Variants in ITSN1 observed in about 807,000 individuals in gnomAD.
ITSN1 encodes intersectin-1.
A neutral mutation model predicts 239.8 loss-of-function variants in ITSN1; 58 were observed. That is an observed-to-expected ratio of 0.24 (90% CI 0.20 to 0.30). The LOEUF is 0.30. Among genes scored for constraint, ITSN1 ranks in the 10% least tolerant of loss-of-function variants. The pLI is 1.00. For missense variants in ITSN1, 1,558 were observed against 2,103.3 expected (o/e 0.74, Z 5.07); for synonymous variants, 780 against 770.8 (o/e 1.01, Z -0.20).
chr21:33,738,963 T>TA (rs1220045450), intron 5 of ITSN1, among the ~76,000 whole-genome samples: 1 of 152,134 alleles, frequency 6.6e-6, no homozygotes, highest in Non-Finnish European at 1.5e-5. Context: ...CTGAAGTAAT[T>TA]AAAAAATTTT....
chr21:33,735,378 C>T (rs2066433236), intron 5 of ITSN1, 174 bp downstream of exon 5: 1 of 720,398 alleles, frequency 1.4e-6, no homozygotes, highest in South Asian at 1.5e-5. Flanking sequence ...AGCATGTTCA[C>T]ATTTGAACCC....
intron 1 of ITSN1, among the ~76,000 whole-genome samples, chr21:33,671,074 A>T (rs1416901037): frequency 6.6e-6 from 1 of 152,188 alleles, no homozygotes; most frequent in Non-Finnish European, 1.5e-5. Context: ...TTTCCCCTAC[A>T]TTACTATCTA....
chr21:33,775,228 AGC>A, intron 14 of ITSN1, 120 bp downstream of exon 14: 1 of 1,036,426 alleles, frequency 9.6e-7, no homozygotes, highest in African/African-American at 1.6e-5. Flanking sequence ...GGCACTGGGA[AGC>A]AAAAATGAAG....
At chr21:33,705,201 T>C (rs1190139411) in intron 1 of ITSN1, among the ~76,000 whole-genome samples, 2 of 151,782 alleles carry the variant, frequency 1.3e-5, no homozygotes, top group Admixed American at 1.3e-4. Flanking sequence ...TCAGTATAGC[T>C]TTGTACCGTA....
chr21:33,680,400 C>T (rs1461541298), intron 1 of ITSN1, among the ~76,000 whole-genome samples: 2 of 150,730 alleles, frequency 1.3e-5, no homozygotes, highest in African/African-American at 2.4e-5. Context: ...GGCGCAATCT[C>T]GGCTCACTGC....
chr21:33,751,290 C>G (rs935410540), intron 6 of ITSN1, among the ~76,000 whole-genome samples: 2 of 152,140 alleles, frequency 1.3e-5, no homozygotes, highest in African/African-American at 4.8e-5. Context: ...TGCCATCAGG[C>G]AAGAGTGAGG....
chr21:33,690,829 ATATATATATGTAAAAGT>A (rs2091504019), intron 1 of ITSN1, among the ~76,000 whole-genome samples: 1 of 66,564 alleles, frequency 1.5e-5, no homozygotes, highest in Non-Finnish European at 3.0e-5. Context: ...ATATATATAT[ATATATATATGTAAAAGT>A]TAAAAAAAAA....
intron 6 of ITSN1, 78 bp from the exon 7 acceptor site, chr21:33,751,732 G>A (rs887509169): frequency 9.2e-7 from 1 of 1,082,830 alleles, no homozygotes; most frequent in Admixed American, 1.8e-5. Flanking sequence ...TTTGTTGACT[G>A]TGCATTTTAA....
intron 4 of ITSN1, among the ~76,000 whole-genome samples, chr21:33,730,567 A>AT (rs2066117071): frequency 6.7e-6 from 1 of 150,308 alleles, no homozygotes; most frequent in Non-Finnish European, 1.5e-5. Context: ...TGCCCAGCTA[A>AT]TTTTTTGTAT....
At chr21:33,775,935 A>G (rs1024837382) in intron 14 of ITSN1, among the ~76,000 whole-genome samples, 2 of 152,156 alleles carry the variant, frequency 1.3e-5, no homozygotes, top group African/African-American at 4.8e-5. Flanking sequence ...AGGGGCATCA[A>G]ATTCATGTAA....
intron 33 of ITSN1, among the ~76,000 whole-genome samples, chr21:33,869,504 G>T (rs559347422): frequency 6.6e-6 from 1 of 152,212 alleles, no homozygotes; most frequent in African/African-American, 2.4e-5. Flanking sequence ...GGGTGGAGGC[G>T]CAGCCAAACC....
In ITSN1 at chr21:33,881,445, G is replaced by C. The variant is rs576194472; in HGVS notation, c.4342-798G>C. 3.3e-5 allele frequency among the ~76,000 whole-genome samples: 5 copies of C among 150,092 alleles called. No homozygotes were observed. The East Asian group carries it at 7.9e-4, about 24-fold the overall frequency. ...AAAAAAAAATTAACACCACTGATTT[G>C]TGCAGTCACACACATGCCAGGGGCC... is the stretch of plus-strand genomic sequence containing the variant. On this transcript the variant is annotated intron_variant, in intron 34 of 39. Transcript: ENST00000381318.
intron 21 of ITSN1, 66 bp downstream of exon 21, chr21:33,811,288 C>T: frequency 5.5e-6 from 8 of 1,458,550 alleles, no homozygotes; most frequent in Non-Finnish European, 7.4e-6. Flanking sequence ...CCCCCCACCC[C>T]CTTAAGTATT....
chr21:33,816,213 C>T (rs1056842809), intron 22 of ITSN1, among the ~76,000 whole-genome samples: 3 of 151,868 alleles, frequency 2.0e-5, no homozygotes, highest in Admixed American at 1.3e-4. Flanking sequence ...AAAAGAATTG[C>T]CTGGCTTAAT....
chr21:33,710,236 G>A (rs2092376008), intron 1 of ITSN1, among the ~76,000 whole-genome samples: 3 of 151,680 alleles, frequency 2.0e-5, no homozygotes, highest in South Asian at 2.1e-4. Flanking sequence ...CGGCCACCAC[G>A]CCTGGCTAAT....
chr21:33,695,362 C>T (rs189052280), intron 1 of ITSN1, among the ~76,000 whole-genome samples: 91 of 152,270 alleles, frequency 6.0e-4, no homozygotes, highest in Middle Eastern at 3.4e-3. Context: ...TTATAAGATC[C>T]ATTTTAAAAG....
At chr21:33,785,934 G>A (rs183848472) in intron 16 of ITSN1, among the ~76,000 whole-genome samples, 15 of 152,210 alleles carry the variant, frequency 9.9e-5, no homozygotes, top group Admixed American at 7.2e-4. Context: ...ACTTGAGAAA[G>A]GAAACAGGAA....
intron 4 of ITSN1, among the ~76,000 whole-genome samples, chr21:33,731,420 G>T (rs1006757072): frequency 3.5e-4 from 54 of 152,208 alleles, no homozygotes; most frequent in African/African-American, 1.2e-3. Context: ...AAATAGTTGC[G>T]TATCTTTTAA....
chr21:33,673,504 CAAA>C (rs1274067801), intron 1 of ITSN1, among the ~76,000 whole-genome samples: 1 of 152,156 alleles, frequency 6.6e-6, no homozygotes, highest in Non-Finnish European at 1.5e-5. Context: ...ATACAATAAA[CAAA>C]GAAGAGGTGC....
Sources: allele counts gnomAD v4.1 joint callset (sites outside exome capture counted in the v4.1 genomes callset), GRCh38; gene constraint gnomAD v4.1.1; transcripts MANE v1.5; gene names NCBI Gene and HGNC (gene_info 2026-07-23, HGNC 2026-07-21).